SEPSECS: variants seen among roughly 807,000 people sequenced by gnomAD.
SEPSECS encodes O-phosphoseryl-tRNA(Sec) selenium transferase.
A neutral mutation model predicts 52.1 loss-of-function variants in SEPSECS; 42 were observed. The ratio of observed to expected loss-of-function variants is 0.81; its 90% CI spans 0.63 to 1.04. SEPSECS has a LOEUF of 1.04. SEPSECS is among the 50% of genes least tolerant of loss of function. The pLI is 0.00. For missense variants in SEPSECS, 590 were observed against 610.6 expected (o/e 0.97, Z 0.36); for synonymous variants, 216 against 211.4 (o/e 1.02, Z -0.19).
chr4:25,155,927 AAAGC>A lies in SEPSECS; in HGVS notation c.547+106_547+109del, dbSNP rs1712596548. 2.8e-6 allele frequency: 3 copies of A among 1,062,566 alleles called. No homozygotes were observed. The South Asian group carries it at 4.5e-5, about 16-fold the overall frequency. The allele number at this position is 1,062,566 out of a possible 1,614,324, so 65.8% of individuals were successfully genotyped here. On this transcript the variant is annotated intron_variant, in intron 4 of 10. Coordinates refer to ENST00000382103, the MANE Select transcript of SEPSECS (RefSeq NM_016955.4). ...ATATTTTACAATTTTTTCTTTTAAA[AAAGC>A]AATAGGGAAGAGAGTTAGTTTATTT...
chr4:25,154,526 C>T (rs191532083), intron 5 of SEPSECS, among the ~76,000 whole-genome samples: 58 of 152,194 alleles, frequency 3.8e-4, no homozygotes, highest in Admixed American at 2.2e-3. Context: ...ATTCTCAAAA[C>T]GCAGACAATG....
At chr4:25,132,771 A>G (rs936749455) in intron 8 of SEPSECS, among the ~76,000 whole-genome samples, 2 of 152,168 alleles carry the variant, frequency 1.3e-5, no homozygotes, top group African/African-American at 4.8e-5. Context: ...GGAGGGTCAC[A>G]AGATCATCAT....
chr4:25,148,575 A>G (rs962719430), intron 6 of SEPSECS, among the ~76,000 whole-genome samples: 1 of 152,212 alleles, frequency 6.6e-6, no homozygotes, highest in Non-Finnish European at 1.5e-5. Context: ...CAATTTGGGA[A>G]AAATAGAATG....
chr4:25,157,021 C>T (rs759281215), intron 2 of SEPSECS, 47 bp from the exon 3 acceptor site: 6 of 978,946 alleles, frequency 6.1e-6, no homozygotes, highest in Non-Finnish European at 8.3e-6. Flanking sequence ...TTCAGCATTC[C>T]GAGTAATACA....
chr4:25,155,328 A>C, intron 4 of SEPSECS, 177 bp from the exon 5 acceptor site: 1 of 667,634 alleles, frequency 1.5e-6, no homozygotes, highest in Non-Finnish European at 2.6e-6. Flanking sequence ...GGCAGGTCAA[A>C]ATAATGTGAG....
intron 8 of SEPSECS, among the ~76,000 whole-genome samples, chr4:25,140,606 A>G (rs182277202): frequency 5.8e-4 from 88 of 152,352 alleles, no homozygotes; most frequent in African/African-American, 2.0e-3. Flanking sequence ...GTATACATAA[A>G]AATGTACTTA....
At chr4:25,149,672 G>C (rs931141143) in intron 6 of SEPSECS, among the ~76,000 whole-genome samples, 1 of 150,300 alleles carries the variant, frequency 6.7e-6, no homozygotes, top group South Asian at 2.1e-4. Flanking sequence ...CTTTTAAAAG[G>C]AGAGAAGCTG....
At position 25,121,835 on chromosome 4, in the gene SEPSECS, A is replaced by G. The variant is rs754048905; in HGVS notation, c.*2096T>C. ...CAATTAGAATTATTATCTATTCAGC[A>G]GCTGAAGCCCAAGAACTGCTGATAC... On this transcript the variant is annotated 3_prime_UTR_variant, in exon 11 of 11. Coordinates refer to ENST00000382103, the MANE Select transcript of SEPSECS (RefSeq NM_016955.4). 6.6e-6 allele frequency: 1 copy of G among 152,218 alleles called. No homozygotes were observed. The highest frequency in any genetic ancestry group is 1.5e-5 in the Non-Finnish European group (1 of 68,018). The allele number at this position is 152,218 out of a possible 1,614,324, so 9.4% of individuals were successfully genotyped here.
chr4:25,151,383 T>C (rs1461456003), intron 6 of SEPSECS, among the ~76,000 whole-genome samples: 1 of 151,926 alleles, frequency 6.6e-6, no homozygotes, highest in African/African-American at 2.4e-5. Flanking sequence ...CAGTAGAAAA[T>C]GAAATCAGCA....
chr4:25,147,650 C>T (rs1712043373), intron 6 of SEPSECS, among the ~76,000 whole-genome samples: 1 of 152,044 alleles, frequency 6.6e-6, no homozygotes, highest in South Asian at 2.1e-4. Context: ...TAAATATAAA[C>T]AGAAATATAG....
chr4:25,133,983 C>T (rs1401561796), intron 8 of SEPSECS, among the ~76,000 whole-genome samples: 1 of 150,952 alleles, frequency 6.6e-6, no homozygotes, highest in East Asian at 2.0e-4. Context: ...TTTAGACTGG[C>T]ATGGCGGCAT....
chr4:25,129,299 CA>C (rs981128318), intron 8 of SEPSECS, among the ~76,000 whole-genome samples: 2 of 149,702 alleles, frequency 1.3e-5, no homozygotes, highest in African/African-American at 2.5e-5. Flanking sequence ...TTTCCAGAAA[CA>C]AAAAAAAAGC....
intron 6 of SEPSECS, among the ~76,000 whole-genome samples, chr4:25,150,007 G>C (rs180705833): frequency 3.3e-5 from 5 of 152,332 alleles, no homozygotes; most frequent in Admixed American, 3.3e-4. Context: ...AAGCCAACTT[G>C]AGTTGGGTGC....
chr4:25,143,878 TC>T (rs1385388438), intron 8 of SEPSECS, among the ~76,000 whole-genome samples: 1 of 152,188 alleles, frequency 6.6e-6, no homozygotes, highest in Admixed American at 6.5e-5. Flanking sequence ...GGACTCACTC[TC>T]TCCCAGATAG....
At chr4:25,141,690 A>T (rs562000464) in intron 8 of SEPSECS, among the ~76,000 whole-genome samples, 1 of 152,258 alleles carries the variant, frequency 6.6e-6, no homozygotes, top group East Asian at 1.9e-4. Context: ...AGCCTGTCAG[A>T]TCATTCTACT....
chr4:25,132,950 G>A (rs1331533907), intron 8 of SEPSECS, among the ~76,000 whole-genome samples: 11 of 152,126 alleles, frequency 7.2e-5, no homozygotes, highest in African/African-American at 1.2e-4. Flanking sequence ...GTACTTGGGC[G>A]AGTACTTAAC....
intron 8 of SEPSECS, among the ~76,000 whole-genome samples, chr4:25,135,946 C>G (rs774091602): frequency 6.6e-6 from 1 of 152,124 alleles, no homozygotes; most frequent in Non-Finnish European, 1.5e-5. Flanking sequence ...GAACTAAAGA[C>G]AAAAACCACA....
chr4:25,146,448 G>C (rs560562260), intron 6 of SEPSECS, among the ~76,000 whole-genome samples: 21 of 147,932 alleles, frequency 1.4e-4, no homozygotes, highest in African/African-American at 5.3e-4. Context: ...CAGGAAAATA[G>C]AGAGATGCAT....
chr4:25,156,832 C>T (rs373803666), intron 3 of SEPSECS, 24 bp downstream of exon 3: 12 of 1,186,182 alleles, frequency 1.0e-5, no homozygotes, highest in Non-Finnish European at 1.5e-5. Context: ...CAGCCAAAAG[C>T]ATTATGATTA....
Sources: gnomAD v4.1 joint callset for allele counts (sites outside exome capture counted in the v4.1 genomes callset) on GRCh38, gnomAD v4.1.1 for gene constraint, MANE v1.5 for transcripts, NCBI Gene and HGNC (gene_info 2026-07-23, HGNC 2026-07-21) for gene names.